Variants in METTL9 observed in about 807,000 individuals in gnomAD.
METTL9 encodes methyltransferase 9, His-X-His N1(pi)-histidine, also known as protein-L-histidine N-pros-methyltransferase.
In METTL9, 10 loss-of-function variants were observed where a neutral mutation model predicts 36.0. The observed-to-expected ratio is 0.28, with a 90% CI of 0.17 to 0.47. METTL9 has a LOEUF of 0.47. Ranked by LOEUF, METTL9 falls within the 20% of genes least tolerant of loss-of-function variation. The pLI, the probability that METTL9 is intolerant of heterozygous loss-of-function variation, is 0.99. For synonymous variants in METTL9, 175 were observed against 149.7 expected (o/e 1.17, Z -1.23); for missense variants, 246 against 383.5 (o/e 0.64, Z 3.00).
Position 21,625,058 on chromosome 16 carries a change from A to T in METTL9, c.694A>T (p.Thr232Ser). The T allele has an allele frequency of 6.2e-7, 1 of 1,614,200 alleles. No homozygotes were observed. Among genetic ancestry groups the T allele is most frequent in the Non-Finnish European group, 8.5e-7 (1 of 1,180,036 alleles). ...AGATATCAGAAGTGTCTTGGAGCCA[A>T]CTAGAGGCAGGGTCATCCTTGCCCT... The part of the protein sequence containing the change: ...LKDIRSVLEP[T>S]RGRVILALVL... Residue 232 changes from threonine (T) to serine (S), a missense_variant, in exon 4 of 5, where the codon ACT (threonine) becomes TCT (serine). Around this residue, in one of 2 missense-constraint regions of METTL9, gnomAD observed 146 missense variants for 302.1 expected, o/e 0.48. Transcript: ENST00000358154.
intron 3 of METTL9, among the ~76,000 whole-genome samples, chr16:21,622,343 T>G (rs1465119821): frequency 1.3e-5 from 2 of 151,564 alleles, no homozygotes; most frequent in African/African-American, 2.4e-5. Context: ...AGATGGGGTC[T>G]TGTTGTGTTG....
At chr16:21,637,674 C>T (rs1966137755) in intron 4 of METTL9, among the ~76,000 whole-genome samples, 1 of 152,248 alleles carries the variant, frequency 6.6e-6, no homozygotes, top group African/African-American at 2.4e-5. Flanking sequence ...GCCTGCTGAG[C>T]CCGTACACAC....
chr16:21,652,288 TG>T, intron 4 of METTL9: 1 of 377,108 alleles, frequency 2.7e-6, no homozygotes, highest in Non-Finnish European at 4.7e-6. Context: ...TTCAACCCTT[TG>T]GTCAGATTGT....
chr16:21,625,817 T>TG (rs1324086721), intron 4 of METTL9, among the ~76,000 whole-genome samples: 1 of 152,198 alleles, frequency 6.6e-6, no homozygotes, highest in African/African-American at 2.4e-5. Flanking sequence ...TTAAGTCTCC[T>TG]GCATTTTCAT....
chr16:21,645,319 C>A (rs901471406), intron 4 of METTL9, among the ~76,000 whole-genome samples: 6 of 151,982 alleles, frequency 3.9e-5, no homozygotes, highest in Non-Finnish European at 7.4e-5. Context: ...TGGGCGTGGT[C>A]GCACATGCCT....
intron 2 of METTL9, among the ~76,000 whole-genome samples, chr16:21,617,156 A>G (rs1965572631): frequency 6.6e-6 from 1 of 152,204 alleles, no homozygotes; most frequent in Non-Finnish European, 1.5e-5. Context: ...ACGGTGGCTC[A>G]TGCCTGTAAT....
intron 4 of METTL9, among the ~76,000 whole-genome samples, chr16:21,630,652 GGCC>G (rs1965935324): frequency 2.0e-5 from 3 of 152,232 alleles, no homozygotes; most frequent in African/African-American, 7.2e-5. Context: ...CCAGTGGAAG[GGCC>G]AGCGGGTTGG....
At chr16:21,636,980 G>A (rs191613785) in intron 4 of METTL9, among the ~76,000 whole-genome samples, 41 of 152,254 alleles carry the variant, frequency 2.7e-4, no homozygotes, top group Non-Finnish European at 4.6e-4. Context: ...TCTTGGTCTC[G>A]CTGACTTCAG....
chr16:21,636,570 A>G (rs558109549), intron 4 of METTL9, among the ~76,000 whole-genome samples: 1 of 152,240 alleles, frequency 6.6e-6, no homozygotes, highest in East Asian at 1.9e-4. Context: ...CGACATTGAG[A>G]GTTCTGCTCA....
intron 4 of METTL9, chr16:21,646,961 G>A (rs926465325): frequency 2.4e-6 from 2 of 829,302 alleles, no homozygotes; most frequent in Non-Finnish European, 4.0e-6. Flanking sequence ...GCCAGTTGGA[G>A]TAGTTCTTTA....
chr16:21,614,475 A>T (rs1463006157), intron 2 of METTL9, among the ~76,000 whole-genome samples: 5 of 152,190 alleles, frequency 3.3e-5, no homozygotes, highest in Non-Finnish European at 7.3e-5. Context: ...CAATGCAGTT[A>T]ATAAACCCCT....
chr16:21,627,877 C>T (rs1008499553), intron 4 of METTL9, among the ~76,000 whole-genome samples: 3 of 152,100 alleles, frequency 2.0e-5, no homozygotes, highest in African/African-American at 7.2e-5. Context: ...GGCGTGAACC[C>T]AGGAGGCGGA....
chr16:21,597,325 A>G, upstream of METTL9: 2 of 1,280,876 alleles, frequency 1.6e-6, no homozygotes, highest in Non-Finnish European at 2.0e-6. Flanking sequence ...TTACTCTGCT[A>G]CCTTCAGGCA....
At chr16:21,620,842 G>A (rs527411268) in intron 3 of METTL9, among the ~76,000 whole-genome samples, 6 of 152,138 alleles carry the variant, frequency 3.9e-5, no homozygotes, top group Non-Finnish European at 7.4e-5. Context: ...TAAGATTAGA[G>A]GTCACCCAAT....
intron 4 of METTL9, among the ~76,000 whole-genome samples, chr16:21,639,088 C>T (rs1966180618): frequency 6.6e-6 from 1 of 152,126 alleles, no homozygotes; most frequent in Non-Finnish European, 1.5e-5. Flanking sequence ...AAATAAGAAA[C>T]TCTTCCCAAA....
At chr16:21,629,143 A>C (rs534345056) in intron 4 of METTL9, among the ~76,000 whole-genome samples, 4 of 152,118 alleles carry the variant, frequency 2.6e-5, no homozygotes, top group African/African-American at 9.6e-5. Context: ...ATGCCCCCTC[A>C]GTCTCCCAAA....
chr16:21,629,807 T>G (rs1323195094), intron 4 of METTL9, among the ~76,000 whole-genome samples: 1 of 151,772 alleles, frequency 6.6e-6, no homozygotes, highest in Admixed American at 6.6e-5. Context: ...GCCTGCTGAT[T>G]GGTCCATTTT....
chr16:21,623,228 C>CTA (rs1456268222), intron 3 of METTL9, among the ~76,000 whole-genome samples: 10 of 152,146 alleles, frequency 6.6e-5, no homozygotes, highest in Admixed American at 6.5e-4. Flanking sequence ...TCTGACTAGT[C>CTA]CCTGGAAGTT....
At chr16:21,603,643 T>C (rs1269826976) in intron 1 of METTL9, among the ~76,000 whole-genome samples, 1 of 152,192 alleles carries the variant, frequency 6.6e-6, no homozygotes, top group African/African-American at 2.4e-5. Context: ...GCAACTATTA[T>C]GGAGCTACTG....
Sources: allele counts gnomAD v4.1 joint callset (sites outside exome capture counted in the v4.1 genomes callset), GRCh38; gene constraint gnomAD v4.1.1; regional missense constraint gnomAD v4.1.1; transcripts MANE v1.5; gene names NCBI Gene and HGNC (gene_info 2026-07-23, HGNC 2026-07-21).